The following FBXL17 variants were observed in gnomAD, a reference collection of about 807,000 sequenced individuals.
FBXL17 encodes the protein F-box/LRR-repeat protein 17.
In FBXL17, 22 loss-of-function variants were observed where a neutral mutation model predicts 66.2. The ratio of observed to expected loss-of-function variants is 0.33; its 90% CI spans 0.24 to 0.47. The LOEUF (loss-of-function observed/expected upper bound fraction) is 0.47, where lower values mean the gene tolerates loss of function less well. Among genes scored for constraint, FBXL17 ranks in the 20% least tolerant of loss-of-function variants. The pLI is 1.00. For synonymous variants in FBXL17, 474 were observed against 400.5 expected (o/e 1.18, Z -2.19); for missense variants, 878 against 948.2 (o/e 0.93, Z 0.97).
intron 4 of FBXL17, among the ~76,000 whole-genome samples, chr5:108,267,467 ATGCAGGGTGCTACTTAATCTTACTC>A (rs1757090334): frequency 6.6e-6 from 1 of 152,094 alleles, no homozygotes; most frequent in Non-Finnish European, 1.5e-5. Context: ...TCAGTATAAG[ATGCAGGGTGCTACTTAATCTTACTC>A]CTACTAGTCA....
chr5:108,060,126 A>G (rs1430761010), intron 6 of FBXL17, among the ~76,000 whole-genome samples: 1 of 151,368 alleles, frequency 6.6e-6, no homozygotes, highest in Non-Finnish European at 1.5e-5. Context: ...ATATTATACT[A>G]AGTACAAATC....
intron 6 of FBXL17, among the ~76,000 whole-genome samples, chr5:108,169,682 T>C (rs1386617578): frequency 6.6e-6 from 1 of 152,176 alleles, no homozygotes; most frequent in Non-Finnish European, 1.5e-5. Context: ...CTTTAACTCT[T>C]CCATTACATT....
intron 7 of FBXL17, among the ~76,000 whole-genome samples, chr5:107,882,367 T>TA (rs1748821185): frequency 6.6e-6 from 1 of 151,964 alleles, no homozygotes; most frequent in South Asian, 2.1e-4. Flanking sequence ...TTTTTTTTTT[T>TA]ACTAGAAAAC....
intron 4 of FBXL17, among the ~76,000 whole-genome samples, chr5:108,257,757 C>T (rs1331949636): frequency 1.3e-5 from 2 of 152,060 alleles, no homozygotes; most frequent in Non-Finnish European, 2.9e-5. Context: ...TAATGTCTTC[C>T]ATAAGGATTT....
chr5:108,234,055 G>A (rs369458995), intron 4 of FBXL17, among the ~76,000 whole-genome samples: 4 of 152,128 alleles, frequency 2.6e-5, no homozygotes, highest in Non-Finnish European at 5.9e-5. Flanking sequence ...AATAGCGACT[G>A]TGGCAGAAAT....
chr5:108,080,128 A>G (rs1481149627), intron 6 of FBXL17, among the ~76,000 whole-genome samples: 5 of 152,248 alleles, frequency 3.3e-5, no homozygotes, highest in Non-Finnish European at 7.3e-5. Flanking sequence ...ATGGAAACCC[A>G]TGAATATGAG....
chr5:108,381,530 G>A lies in FBXL17; in HGVS notation c.162C>T (p.Phe54=), dbSNP rs1376075278. 6.4e-6 allele frequency: 9 copies of A among 1,416,092 alleles called. No homozygotes were observed. The highest frequency in any genetic ancestry group is 6.3e-5 in the Admixed American group (2 of 31,764). The allele number at this position is 1,416,092 out of a possible 1,614,324, so 87.7% of individuals were successfully genotyped here. A position where few individuals can be genotyped will look rare whatever the true frequency, so the allele number is the denominator to read the frequency against. ...AGCAGAGCATGCAGGGCCCGCGGAA[G>A]AAGCAGTCCCGGCTCCGGGGCGCCG... ...QPAAPRSRDC[F]FRGPCMLCFI... The change falls in exon 1 of 9, where the codon TTC becomes TTT. Residue 54 remains phenylalanine (F), a synonymous_variant. Transcript: ENST00000542267.
chr5:108,274,616 C>T (rs1757410575), intron 4 of FBXL17, among the ~76,000 whole-genome samples: 1 of 152,144 alleles, frequency 6.6e-6, no homozygotes, highest in East Asian at 1.9e-4. Context: ...AGATTAAAGA[C>T]AGGCATAGGA....
At chr5:108,145,800 C>T (rs1275612854) in intron 6 of FBXL17, among the ~76,000 whole-genome samples, 2 of 148,320 alleles carry the variant, frequency 1.3e-5, no homozygotes, top group East Asian at 2.0e-4. Context: ...AAATATAGCA[C>T]TAAATTTTCG....
intron 7 of FBXL17, among the ~76,000 whole-genome samples, chr5:107,906,236 A>G (rs968466486): frequency 6.6e-6 from 1 of 152,152 alleles, no homozygotes; most frequent in African/African-American, 2.4e-5. Context: ...TCAAGATGTT[A>G]TGTTTATATG....
chr5:108,110,191 G>A (rs1749975961), intron 6 of FBXL17, among the ~76,000 whole-genome samples: 1 of 151,908 alleles, frequency 6.6e-6, no homozygotes, highest in Non-Finnish European at 1.5e-5. Flanking sequence ...AAAATCCAGT[G>A]GTTTACTGGG....
At position 107,991,501 on chromosome 5, in the gene FBXL17, C is replaced by T. The variant is rs572718372; in HGVS notation, c.1822+29424G>A. 5.9e-5 allele frequency among the ~76,000 whole-genome samples: 9 copies of T among 152,298 alleles called. No individual in the cohort carries two copies. In the East Asian group the frequency reaches 1.7e-3, roughly 29 times the overall value. On this transcript the variant is annotated intron_variant, in intron 7 of 8. Transcript: ENST00000542267. Reference sequence around the variant, plus strand: ...TAGGATTTCTCTACTGCTTTCACTCCATTCCCTTTCTCAGTTGAGACTGTT... The same window carrying T: ...TAGGATTTCTCTACTGCTTTCACTCTATTCCCTTTCTCAGTTGAGACTGTT...
chr5:108,133,173 A>C (rs540416385), intron 6 of FBXL17, among the ~76,000 whole-genome samples: 1 of 152,330 alleles, frequency 6.6e-6, no homozygotes, highest in East Asian at 1.9e-4. Flanking sequence ...TAGGAAAAGC[A>C]TCAAAAAAAG....
chr5:108,070,652 A>T (rs1258028985), intron 6 of FBXL17, among the ~76,000 whole-genome samples: 1 of 152,236 alleles, frequency 6.6e-6, no homozygotes, highest in East Asian at 1.9e-4. Context: ...CATTTCTGAA[A>T]ACATAGATAT....
rs76039238 is a variant in FBXL17 at position 108,108,140 on chromosome 5, G to C, written c.1745+77977C>G. Reference sequence around the variant, plus strand: ...TGATTTTACTTAAGTTTCTCCTTCAGTGATAGCTCCTCCATGAGCTGTATT... The same window carrying C: ...TGATTTTACTTAAGTTTCTCCTTCACTGATAGCTCCTCCATGAGCTGTATT... On this transcript the variant is annotated intron_variant, in intron 6 of 8. Coordinates refer to ENST00000542267, the MANE Select transcript of FBXL17 (RefSeq NM_001163315.3). Among the ~76,000 whole-genome samples, 1,178 of 152,210 alleles carry C rather than the reference G, an allele frequency of 7.7e-3. 14 individuals carry two copies. The highest frequency in any genetic ancestry group is 0.026 in the African/African-American group (1,062 of 41,528).
At chr5:108,098,663 T>G (rs1245477822) in intron 6 of FBXL17, among the ~76,000 whole-genome samples, 5 of 148,410 alleles carry the variant, frequency 3.4e-5, no homozygotes, top group Non-Finnish European at 7.4e-5. Context: ...GAAAATGGCG[T>G]GAACCCGGGA....
intron 4 of FBXL17, among the ~76,000 whole-genome samples, chr5:108,303,388 A>C (rs1580778646): frequency 1.3e-5 from 2 of 148,696 alleles, no homozygotes; most frequent in East Asian, 2.0e-4. Context: ...ACACACACAC[A>C]CACACACATA....
intron 4 of FBXL17, among the ~76,000 whole-genome samples, chr5:108,340,019 C>A (rs999801697): frequency 6.6e-6 from 1 of 151,776 alleles, no homozygotes; most frequent in Non-Finnish European, 1.5e-5. Flanking sequence ...GTCTTCCATA[C>A]GACACTGGCA....
intron 5 of FBXL17, among the ~76,000 whole-genome samples, chr5:108,188,970 C>T (rs147100067): frequency 0.016 from 2,445 of 152,268 alleles, 32 homozygotes; most frequent in South Asian, 0.025. Flanking sequence ...CTGATATGAA[C>T]GCTCTTTGCT....
Sources: gnomAD v4.1 joint callset for allele counts (sites outside exome capture counted in the v4.1 genomes callset) on GRCh38, gnomAD v4.1.1 for gene constraint, MANE v1.5 for transcripts, NCBI Gene and HGNC (gene_info 2026-07-23, HGNC 2026-07-21) for gene names.